Variants in GPATCH1 observed in about 807,000 individuals in gnomAD.
The protein encoded by GPATCH1 is G-patch domain containing 1.
In GPATCH1, 73 loss-of-function variants were observed where a neutral mutation model predicts 114.9. That is an observed-to-expected ratio of 0.64 (90% CI 0.53 to 0.77). GPATCH1 has a LOEUF of 0.77. Ranked by LOEUF, GPATCH1 falls within the 30% of genes least tolerant of loss-of-function variation. The probability of loss-of-function intolerance (pLI) is 0.00; values close to 1 mark genes in which losing one functional copy is unlikely to be tolerated. For synonymous variants in GPATCH1, 391 were observed against 428.4 expected, an observed-to-expected ratio of 0.91 and a Z score of 1.08; for missense variants, 1,058 against 1,144.3, an observed-to-expected ratio of 0.92 and a Z score of 1.09.
chr19:33,087,244 A>T (rs1972542797), intron 1 of GPATCH1, among the ~76,000 whole-genome samples: 1 of 152,114 alleles, frequency 6.6e-6, no homozygotes, highest in Middle Eastern at 3.2e-3. Flanking sequence ...TTTTGAAAAT[A>T]ACTTGATTTT....
chr19:33,124,540 C>G (rs1487774998), intron 17 of GPATCH1, among the ~76,000 whole-genome samples: 1 of 152,044 alleles, frequency 6.6e-6, no homozygotes, highest in Non-Finnish European at 1.5e-5. Context: ...TTATAAAATA[C>G]GTTTTTGTAG....
intron 17 of GPATCH1, among the ~76,000 whole-genome samples, chr19:33,121,429 C>T: frequency 6.6e-6 from 1 of 150,778 alleles, no homozygotes; most frequent in East Asian, 2.0e-4. Context: ...AAGCGATTCT[C>T]CTACCTCACC....
intron 1 of GPATCH1, 65 bp from the exon 2 acceptor site, chr19:33,088,069 C>A: frequency 7.6e-6 from 7 of 921,538 alleles, no homozygotes; most frequent in South Asian, 3.9e-5. Context: ...GACATTTTCC[C>A]TAAATTTGAA....
At chr19:33,099,342 A>C (rs1238075303) in intron 8 of GPATCH1, among the ~76,000 whole-genome samples, 1 of 151,856 alleles carries the variant, frequency 6.6e-6, no homozygotes, top group African/African-American at 2.4e-5. Context: ...ATATGTAATG[A>C]CATATATTTA....
In GPATCH1 at chr19:33,096,685, G is replaced by A. The variant is rs182932581; in HGVS notation, c.852+239G>A. On this transcript the variant is annotated intron_variant, in intron 7 of 19. Transcript: ENST00000170564. The stretch of plus-strand genomic sequence containing the variant: ...GCTCTGTTACCCAGGCTGGAGTGCA[G>A]TGGTGCGATCTTGGCTTACTGCAAC... Among the ~76,000 whole-genome samples, 59 of 151,204 alleles carry A rather than the reference G, an allele frequency of 3.9e-4. No individual in the cohort carries two copies. In the South Asian group the frequency reaches 7.7e-3, roughly 20 times the overall value.
In GPATCH1 at chr19:33,097,873, C is replaced by T. The variant is rs376579473; in HGVS notation, c.971C>T (p.Thr324Ile). 3.0e-5 allele frequency: 49 copies of T among 1,613,944 alleles called. No individual in the cohort carries two copies. Among genetic ancestry groups the T allele is most frequent in the Non-Finnish European group, 3.8e-5 (45 of 1,179,980 alleles). ...CCTGGAGACGGACTCTATGGCTGGACAGCACCCAGGCAGTATAAAAACCAG... is the reference window on the plus strand; with the variant it reads ...CCTGGAGACGGACTCTATGGCTGGATAGCACCCAGGCAGTATAAAAACCAG... ...EEPGDGLYGW[T>I]APRQYKNQKE... The change falls in exon 8 of 20, where the codon ACA becomes ATA. Residue 324 changes from threonine to isoleucine, a missense_variant. Coordinates refer to ENST00000170564, the MANE Select transcript of GPATCH1 (RefSeq NM_018025.3).
Position 33,114,411 on chromosome 19 carries a change from G to T in GPATCH1, c.2188G>T (p.Ala730Ser). Residue 730 changes from alanine to serine, a missense_variant, in exon 15 of 20, where the codon GCA (alanine) becomes TCA (serine). Physicochemically the swap from Ala to Ser is moderately conservative, Grantham distance 99. Coordinates refer to ENST00000170564, the MANE Select transcript of GPATCH1 (RefSeq NM_018025.3). ...KEEEHAPELS[A>S]NQTVNKDVDA... The stretch of plus-strand genomic sequence containing the variant: ...GGAAGAGCATGCACCAGAATTATCC[G>T]CAAATCAGGTATTTGGGGCTTCCAG... 6.3e-7 allele frequency: 1 copy of T among 1,590,952 alleles called. No individual in the cohort carries two copies. The highest frequency in any genetic ancestry group is 8.5e-7 in the Non-Finnish European group (1 of 1,172,620).
At chr19:33,119,697 C>CA (rs34270215) in intron 17 of GPATCH1, among the ~76,000 whole-genome samples, 52,556 of 128,410 alleles carry the variant, frequency 0.41, 11,759 homozygotes, top group South Asian at 0.64. Flanking sequence ...GACTCTGCCT[C>CA]AAAAAAAAAA....
intron 1 of GPATCH1, among the ~76,000 whole-genome samples, chr19:33,086,786 G>T (rs1017442128): frequency 6.6e-6 from 1 of 151,972 alleles, no homozygotes; most frequent in Non-Finnish European, 1.5e-5. Context: ...AGTAGAAGGG[G>T]ATTTGAATTC....
At chr19:33,107,967 A>T (rs900401775) in intron 10 of GPATCH1, among the ~76,000 whole-genome samples, 1 of 151,914 alleles carries the variant, frequency 6.6e-6, no homozygotes, top group Admixed American at 6.6e-5. Context: ...CGTCATTTAC[A>T]TAAGGTATAT....
rs931630642 is a variant in GPATCH1, at chr19:33,114,353, T to C, written c.2130T>C (p.Pro710=). 6 of 1,613,472 alleles carry C rather than the reference T, an allele frequency of 3.7e-6. No individual in the cohort carries two copies. Among genetic ancestry groups the C allele is most frequent in the Non-Finnish European group, 5.1e-6 (6 of 1,179,718 alleles). The stretch of plus-strand genomic sequence containing the variant: ...TGGCTAGATCAAAAGCCGAGCCACC[T>C]AAACAACAGTCCAGCCCCTTAGTAA... The part of the protein sequence containing the change: ...LSLARSKAEP[P]KQQSSPLVNK... Residue 710 remains proline, a synonymous_variant, in exon 15 of 20, where the codon CCT becomes CCC. Coordinates refer to ENST00000170564, the MANE Select transcript of GPATCH1 (RefSeq NM_018025.3).
intron 18 of GPATCH1, among the ~76,000 whole-genome samples, chr19:33,126,074 G>T (rs558659690): frequency 6.6e-6 from 1 of 152,178 alleles, no homozygotes; most frequent in Non-Finnish European, 1.5e-5. Flanking sequence ...GCACTCCCAC[G>T]TATGGCGGAT....
chr19:33,121,189 T>C (rs1349699334), intron 17 of GPATCH1, among the ~76,000 whole-genome samples: 2 of 151,746 alleles, frequency 1.3e-5, no homozygotes. Flanking sequence ...GGTGCTGTCA[T>C]AGCTCACTGC....
chr19:33,120,036 ATTTATAT>A (rs938186235), intron 17 of GPATCH1, among the ~76,000 whole-genome samples: 1 of 137,370 alleles, frequency 7.3e-6, no homozygotes, highest in Non-Finnish European at 1.5e-5. Context: ...ATATTTATAT[ATTTATAT>A]TTTATATATT....
intron 10 of GPATCH1, among the ~76,000 whole-genome samples, chr19:33,108,829 G>A (rs1972816899): frequency 6.6e-6 from 1 of 152,170 alleles, no homozygotes; most frequent in Admixed American, 6.6e-5. Context: ...GTGGTGGACT[G>A]CAGGTCTGGA....
chr19:33,089,198 C>A (rs541679657), intron 2 of GPATCH1, among the ~76,000 whole-genome samples: 6 of 152,234 alleles, frequency 3.9e-5, no homozygotes, highest in African/African-American at 1.4e-4. Context: ...GACTGTCTCT[C>A]GTGACTGAGT....
At chr19:33,088,463 C>A (rs1182448602) in intron 2 of GPATCH1, among the ~76,000 whole-genome samples, 195 bp downstream of exon 2, 2 of 151,156 alleles carry the variant, frequency 1.3e-5, no homozygotes, top group Admixed American at 6.6e-5. Context: ...CCTGCCTCAG[C>A]CTTCCAATTA....
Position 33,096,353 on chromosome 19 carries a change from A to G in GPATCH1, c.759A>G (p.Glu253=), listed in dbSNP as rs1355764351. 1.9e-6 allele frequency: 3 copies of G among 1,614,042 alleles called. No homozygotes were observed. In the African/African-American group the frequency reaches 4.0e-5, roughly 22 times the overall value. Reference sequence around the variant, plus strand: ...AGGCACTGTTTGGAACTTCGGGAGAACATTTTAATCTTTTCAGTGGTGGTT... The same window carrying G: ...AGGCACTGTTTGGAACTTCGGGAGAGCATTTTAATCTTTTCAGTGGTGGTT... ...PHQALFGTSG[E]HFNLFSGGSE... is the part of the protein sequence containing the mutation. The change falls in exon 7 of 20, where the codon GAA becomes GAG. Residue 253 remains glutamate (E), a synonymous_variant. Transcript: ENST00000170564.
intron 19 of GPATCH1, 118 bp from the exon 20 acceptor site, chr19:33,130,012 T>C: frequency 1.4e-6 from 1 of 702,686 alleles, no homozygotes; most frequent in Non-Finnish European, 2.5e-6. Flanking sequence ...GTGCATTTTG[T>C]AGGTGCAGAC....
Sources: allele counts gnomAD v4.1 joint callset (sites outside exome capture counted in the v4.1 genomes callset), GRCh38; gene constraint gnomAD v4.1.1; transcripts MANE v1.5; gene names NCBI Gene and HGNC (gene_info 2026-07-23, HGNC 2026-07-21).